Variants in EDA observed in about 807,000 individuals in gnomAD.
EDA encodes the protein ectodysplasin A, also known as ectodysplasin-A.
Under a neutral mutation model 23.6 loss-of-function variants are expected in EDA, and 2 were observed. The ratio of observed to expected loss-of-function variants is 0.08; its 90% CI spans 0.03 to 0.27. The LOEUF is 0.27. Among genes scored for constraint, EDA ranks in the 10% least tolerant of loss-of-function variants. The pLI, the probability that EDA is intolerant of heterozygous loss-of-function variation, is 1.00. For missense variants in EDA, 229 were observed against 324.2 expected (o/e 0.71, Z 2.26); for synonymous variants, 131 against 132.0 (o/e 0.99, Z 0.05).
chrX:69,746,676 A>G (rs910531770), intron 1 of EDA, among the ~76,000 whole-genome samples: 1 of 111,385 alleles, frequency 9.0e-6, no homozygotes, highest in Non-Finnish European at 1.9e-5. Context: ...CTGCAAACGC[A>G]TGCAGGTAGA....
In EDA at chrX:70,006,064, T is replaced by C. The variant is rs774549727; in HGVS notation, c.503-17154T>C. 1.9e-4 allele frequency among the ~76,000 whole-genome samples: 21 copies of C among 112,646 alleles called. 1 individual carries two copies. In the South Asian group the frequency reaches 7.7e-3, roughly 41 times the overall value. On this transcript the variant is annotated intron_variant, in intron 2 of 7. Transcript: ENST00000374552. ...TGGATTGATAGCTTATTTATTTTTATTGCTGAATAATATTCCATTATATGG... is the reference window on the plus strand; with the variant it reads ...TGGATTGATAGCTTATTTATTTTTACTGCTGAATAATATTCCATTATATGG...
In EDA at chrX:70,038,398, GA is replaced by G. The variant is rs2020291545; in HGVS notation, c.*2792del. On this transcript the variant is annotated 3_prime_UTR_variant, in exon 8 of 8. Transcript: ENST00000374552. ...AGCAATTTACTGATGAGAGAATGTG[GA>G]AATAGATGTGCAGTTTGGAATTATG... 1 of 110,908 alleles carries G rather than the reference GA, an allele frequency of 9.0e-6. No homozygotes were observed. Among genetic ancestry groups the G allele is most frequent in the South Asian group, 3.9e-4 (1 of 2,573 alleles). 9.1% of individuals were successfully genotyped at this position (110,908 alleles called of 1,213,427 possible).
chrX:70,028,362 G>C (rs1300924607), intron 4 of EDA, among the ~76,000 whole-genome samples: 1 of 111,902 alleles, frequency 8.9e-6, no homozygotes, highest in African/African-American at 3.3e-5. Context: ...AGAGGCCCTG[G>C]TGGTTCACAG....
chrX:69,907,601 T>C (rs1164728847), intron 1 of EDA, among the ~76,000 whole-genome samples: 1 of 109,929 alleles, frequency 9.1e-6, no homozygotes, highest in Non-Finnish European at 1.9e-5. Context: ...CAGAGCCTTG[T>C]AAAAAAAAAT....
At chrX:69,658,686 A>G (rs1309392360) in intron 1 of EDA, among the ~76,000 whole-genome samples, 10 of 111,635 alleles carry the variant, frequency 9.0e-5, no homozygotes, top group Non-Finnish European at 1.9e-4. Flanking sequence ...GTACTTTTGC[A>G]TGCCTTTTCT....
At chrX:69,646,172 T>C (rs1036771682) in intron 1 of EDA, among the ~76,000 whole-genome samples, 1 of 111,410 alleles carries the variant, frequency 9.0e-6, no homozygotes, top group Non-Finnish European at 1.9e-5. Context: ...TGTTTTGAGG[T>C]GGAGAGTTCT....
At position 69,915,043 on chromosome X, in the gene EDA, C is replaced by A. The variant is rs750329728; in HGVS notation, c.397-41984C>A. ...GTTTTTGAGGCTTTAAATATGATTT[C>A]TTTGTTAAAAGTAGAAGCTTAGAAA... On this transcript the variant is annotated intron_variant, in intron 1 of 7. Transcript: ENST00000374552. Among the ~76,000 whole-genome samples the A allele has an allele frequency of 2.7e-5, 3 of 111,993 alleles. No individual in the cohort carries two copies. In the South Asian group the frequency reaches 1.1e-3, roughly 41 times the overall value.
intron 1 of EDA, among the ~76,000 whole-genome samples, chrX:69,726,002 C>T (rs1311281141): frequency 9.0e-6 from 1 of 111,482 alleles, no homozygotes; most frequent in Non-Finnish European, 1.9e-5. Context: ...AACTAAGAGA[C>T]AGATAAGATG....
intron 1 of EDA, among the ~76,000 whole-genome samples, chrX:69,731,964 T>A (rs775319225): frequency 3.8e-4 from 43 of 111,807 alleles, no homozygotes; most frequent in African/African-American, 1.3e-3. Context: ...ACTTTTTTTT[T>A]ATGAAGATTA....
intron 4 of EDA, 47 bp downstream of exon 4, chrX:70,028,083 T>C: frequency 1.7e-6 from 2 of 1,180,735 alleles, no homozygotes; most frequent in Non-Finnish European, 2.3e-6. Context: ...TTAAAGTACT[T>C]TAGGAGAGCA....
rs182204029 is a variant in EDA, at chrX:69,752,765, G to A, written c.396+136061G>A. Among the ~76,000 whole-genome samples, 524 of 111,866 alleles carry A rather than the reference G, an allele frequency of 4.7e-3. 6 individuals carry two copies. The highest frequency in any genetic ancestry group is 0.016 in the African/African-American group (507 of 30,816). On this transcript the variant is annotated intron_variant, in intron 1 of 7. Coordinates refer to ENST00000374552, the MANE Select transcript of EDA (RefSeq NM_001399.5). ...GCCTCAATTTCAGAACCTGTCATTGGTCTATTCAGGGATTCAACTTCTTCC... is the reference window on the plus strand; with the variant it reads ...GCCTCAATTTCAGAACCTGTCATTGATCTATTCAGGGATTCAACTTCTTCC...
chrX:69,957,479 A>C (rs1602564835), intron 2 of EDA: 3 of 8,967 alleles, frequency 3.3e-4, no homozygotes, highest in Non-Finnish European at 2.3e-3. Flanking sequence ...ACTCCATCTC[A>C]AAAAAAAAAA....
intron 1 of EDA, among the ~76,000 whole-genome samples, chrX:69,724,203 G>A (rs2012702343): frequency 9.0e-6 from 1 of 110,732 alleles, no homozygotes; most frequent in South Asian, 3.8e-4. Flanking sequence ...AGTCCTTTGG[G>A]GGAATCAATT....
chrX:69,819,123 G>A (rs1483919095), intron 1 of EDA, among the ~76,000 whole-genome samples: 1 of 112,184 alleles, frequency 8.9e-6, no homozygotes, highest in African/African-American at 3.2e-5. Flanking sequence ...AAAACCACAT[G>A]ATTATCTCAA....
chrX:70,017,998 G>T (rs2019976041), intron 2 of EDA, among the ~76,000 whole-genome samples: 1 of 111,820 alleles, frequency 8.9e-6, no homozygotes, highest in Non-Finnish European at 1.9e-5. Flanking sequence ...AACAACTCCA[G>T]CAAGTTTCAG....
chrX:69,889,442 G>A (rs763469945), intron 1 of EDA, among the ~76,000 whole-genome samples: 4 of 111,165 alleles, frequency 3.6e-5, no homozygotes, highest in African/African-American at 6.5e-5. Context: ...GAGCCACCAC[G>A]CCTGGCCTTC....
chrX:69,748,968 A>C (rs768916106), intron 1 of EDA, among the ~76,000 whole-genome samples: 29 of 108,737 alleles, frequency 2.7e-4, no homozygotes, highest in African/African-American at 9.0e-4. Flanking sequence ...TTTAAGTTTT[A>C]GGGTACATGT....
chrX:69,756,630 C>T (rs1290594064), intron 1 of EDA, among the ~76,000 whole-genome samples: 1 of 112,004 alleles, frequency 8.9e-6, no homozygotes, highest in African/African-American at 3.2e-5. Context: ...AAACCTCCTT[C>T]TAAGTCATTT....
At chrX:69,632,931 G>C (rs1932657000) in intron 1 of EDA, among the ~76,000 whole-genome samples, 1 of 111,415 alleles carries the variant, frequency 9.0e-6, no homozygotes, top group African/African-American at 3.3e-5. Context: ...CTCTTAGCAT[G>C]TAGTCATGCT....
Sources: gnomAD v4.1 joint callset for allele counts (sites outside exome capture counted in the v4.1 genomes callset) on GRCh38, gnomAD v4.1.1 for gene constraint, MANE v1.5 for transcripts, NCBI Gene and HGNC (gene_info 2026-07-23, HGNC 2026-07-21) for gene names.